COL6A3: variants seen among roughly 807,000 people sequenced by gnomAD.
COL6A3 encodes the protein collagen type VI alpha 3 chain, also known as collagen alpha-3(VI) chain.
Under a neutral mutation model 274.1 loss-of-function variants are expected in COL6A3, and 137 were observed. The observed-to-expected ratio is 0.50, with a 90% CI of 0.44 to 0.58. The LOEUF (loss-of-function observed/expected upper bound fraction) is 0.58. Among genes scored for constraint, COL6A3 ranks in the 20% least tolerant of loss-of-function variants. The pLI is 0.00. For missense variants in COL6A3, 3,950 were observed against 4,124.9 expected, an observed-to-expected ratio of 0.96 and a Z score of 1.16; for synonymous variants, 1,650 against 1,650.6, an observed-to-expected ratio of 1.00 and a Z score of 0.01.
intron 1 of COL6A3, among the ~76,000 whole-genome samples, chr2:237,406,495 C>G (rs2078721944): frequency 6.6e-6 from 1 of 152,140 alleles, no homozygotes; most frequent in Admixed American, 6.5e-5. Flanking sequence ...TAGTCAAAGA[C>G]CACAGTGGGA....
chr2:237,411,874 GAGC>G (rs2078864928), intron 1 of COL6A3, among the ~76,000 whole-genome samples: 3 of 152,156 alleles, frequency 2.0e-5, no homozygotes, highest in African/African-American at 7.2e-5. Flanking sequence ...AGCAGGGAAA[GAGC>G]GGGGCCAAGG....
chr2:237,344,446 T>A lies in COL6A3; in HGVS notation c.7572A>T (p.Pro2524=). The A allele has an allele frequency of 6.2e-7, 1 of 1,614,220 alleles. No homozygotes were observed. The highest frequency in any genetic ancestry group is 8.5e-7 in the Non-Finnish European group (1 of 1,180,032). The change falls in exon 36 of 44, where the codon CCA becomes CCT. Residue 2524 remains proline (P), a synonymous_variant. Transcript: ENST00000295550. This position sits in a 1 kb window ranked among gnomAD's most constrained non-coding sequence, Gnocchi z 4.8. ...FFSNTPTRAS[P]QLREAVLKLS... ...GCTTGAGCACAGCCTCTCTGAGCTG[T>A]GGGGATGCTCTTGTGGGTGTGTTGC...
Position 237,365,837 on chromosome 2 carries a change from G to A in COL6A3, c.5699C>T (p.Ala1900Val). The A allele has an allele frequency of 1.2e-6, 2 of 1,614,154 alleles. No individual in the cohort carries two copies. Among genetic ancestry groups the A allele is most frequent in the South Asian group, 2.2e-5 (2 of 91,068 alleles). The change falls in exon 12 of 44, where the codon GCC (alanine) becomes GTC (valine). Residue 1900 changes from alanine (A) to valine (V), a missense_variant. Ala to Val is a moderately conservative substitution (Grantham distance 64). Transcript: ENST00000295550. ...VANTPSGPVE[A>V]FDFDEYQPEM... ...TGGCTGGTACTCGTCAAAGTCAAAG[G>A]CCTCCACCGGGCCCGAGGGCGTGTT...
chr2:237,339,911 G>A (rs2076947933), intron 38 of COL6A3, among the ~76,000 whole-genome samples: 1 of 152,174 alleles, frequency 6.6e-6, no homozygotes, highest in Non-Finnish European at 1.5e-5. Flanking sequence ...GCGAGCAGAA[G>A]CCATTGGAAT....
intron 43 of COL6A3, among the ~76,000 whole-genome samples, 179 bp from the exon 44 acceptor site, chr2:237,324,993 T>C (rs936835951): frequency 7.9e-5 from 12 of 152,170 alleles, no homozygotes; most frequent in African/African-American, 2.7e-4. Flanking sequence ...TGTGACGTTC[T>C]TGGCCTGGGG....
chr2:237,357,178 T>C lies in COL6A3; in HGVS notation c.6591+160A>G, dbSNP rs2077336889. 5.2e-6 allele frequency: 4 copies of C among 771,166 alleles called. No homozygotes were observed. The East Asian group carries it at 7.3e-5, about 14-fold the overall frequency. The allele number at this position is 771,166 out of a possible 1,614,324, so 47.8% of individuals were successfully genotyped here. A position where few individuals can be genotyped will look rare whatever the true frequency, so the allele number is the denominator to read the frequency against. On this transcript the variant is annotated intron_variant, in intron 23 of 43. Coordinates refer to ENST00000295550, the MANE Select transcript of COL6A3 (RefSeq NM_004369.4). ...GAGAAGAGATGAAGCACCAGGGAAA[T>C]TATAAGAATGAAAATAGATTGGAGT...
intron 3 of COL6A3, among the ~76,000 whole-genome samples, chr2:237,388,613 G>A (rs1225132313): frequency 6.6e-6 from 1 of 152,114 alleles, no homozygotes; most frequent in Non-Finnish European, 1.5e-5. Flanking sequence ...CTAATTTTTG[G>A]TCATTTCTCC....
chr2:237,395,816 G>C (rs1294270674), intron 2 of COL6A3, among the ~76,000 whole-genome samples: 1 of 152,142 alleles, frequency 6.6e-6, no homozygotes, highest in Non-Finnish European at 1.5e-5. Flanking sequence ...TACTCTATTA[G>C]TTACTGCATA....
chr2:237,388,092 G>T lies in COL6A3; in HGVS notation c.802C>A (p.Leu268Ile). Reference sequence around the variant, plus strand: ...GTTCCAATTGGGAGTTTCTCAAGGAGATTTACAAGGAAGTCGAGAATGACT... The same window carrying T: ...GTTCCAATTGGGAGTTTCTCAAGGATATTTACAAGGAAGTCGAGAATGACT... ...FAVILDFLVN[L>I]LEKLPIGTQQ... The change falls in exon 4 of 44, where the codon CTC becomes ATC. Residue 268 changes from leucine to isoleucine, a missense_variant. Coordinates refer to ENST00000295550, the MANE Select transcript of COL6A3 (RefSeq NM_004369.4). 6.2e-7 allele frequency: 1 copy of T among 1,614,236 alleles called. No homozygotes were observed. The highest frequency in any genetic ancestry group is 8.5e-7 in the Non-Finnish European group (1 of 1,180,042).
chr2:237,358,605 A>T, intron 20 of COL6A3, 22 bp from the exon 21 acceptor site: 1 of 1,604,562 alleles, frequency 6.2e-7, no homozygotes, highest in Non-Finnish European at 8.5e-7. Flanking sequence ...GCACAAGTGG[A>T]TGCTAAAAAC....
At chr2:237,384,443 C>T (rs1453538078) in intron 4 of COL6A3, among the ~76,000 whole-genome samples, 1 of 152,086 alleles carries the variant, frequency 6.6e-6, no homozygotes. Context: ...TGTTTTCCTC[C>T]ATGCCTCATC....
Position 237,378,895 on chromosome 2 carries a change from G to A in COL6A3, c.2238C>T (p.Leu746=), listed in dbSNP as rs754302357. ...ACTGCCCAGCTGTGAGCAGAAGCAG[G>A]AGCTGCGGCACGTGTTCACGGATCC... is the stretch of plus-strand genomic sequence containing the variant. ...GSRIREHVPQ[L]LLLLTAGQSE... The change falls in exon 6 of 44, where the codon CTC becomes CTT. Residue 746 remains leucine, a synonymous_variant. Coordinates refer to ENST00000295550, the MANE Select transcript of COL6A3 (RefSeq NM_004369.4). 2 of 1,614,118 alleles carry A rather than the reference G, an allele frequency of 1.2e-6. No homozygotes were observed. The highest frequency in any genetic ancestry group is 1.3e-5 in the African/African-American group (1 of 74,942).
At position 237,371,815 on chromosome 2, in the gene COL6A3, T is replaced by A; in HGVS notation, c.4202A>T (p.Glu1401Val). The A allele has an allele frequency of 6.2e-7, 1 of 1,613,696 alleles. No individual in the cohort carries two copies. Among genetic ancestry groups the A allele is most frequent in the Non-Finnish European group, 8.5e-7 (1 of 1,179,956 alleles). Residue 1401 changes from glutamate to valine, a missense_variant, in exon 9 of 44, where the codon GAG becomes GTG. Coordinates refer to ENST00000295550, the MANE Select transcript of COL6A3 (RefSeq NM_004369.4). The surrounding 1 kb of genome is among the most constrained non-coding windows in gnomAD (Gnocchi z 4.3). ...VSTFRELPSL[E>V]QKLLTPITTL... ...CGTGATGGGCGTCAGCAGTTTCTGCTCCAGGCTGGGCAGCTCCCGGAAGGT... is the reference window on the plus strand; with the variant it reads ...CGTGATGGGCGTCAGCAGTTTCTGCACCAGGCTGGGCAGCTCCCGGAAGGT...
intron 1 of COL6A3, among the ~76,000 whole-genome samples, chr2:237,405,483 C>T (rs1166810649): frequency 6.6e-6 from 1 of 152,046 alleles, no homozygotes; most frequent in Non-Finnish European, 1.5e-5. Flanking sequence ...GGCAGCCATC[C>T]GCGCTCATTC....
intron 7 of COL6A3, among the ~76,000 whole-genome samples, chr2:237,375,718 T>G (rs2077821183): frequency 6.6e-6 from 1 of 152,110 alleles, no homozygotes; most frequent in African/African-American, 2.4e-5. Context: ...AATTTTTGTA[T>G]TTTTGGTAGA....
Position 237,324,808 on chromosome 2 carries a change from G to A in COL6A3, c.9500C>T (p.Ala3167Val). 1 of 1,613,582 alleles carries A rather than the reference G, an allele frequency of 6.2e-7. No individual in the cohort carries two copies. Among genetic ancestry groups the A allele is most frequent in the Admixed American group, 1.7e-5 (1 of 60,026 alleles). Residue 3167 changes from alanine to valine, a missense_variant, in exon 44 of 44, where the codon GCC (alanine) becomes GTC (valine). By Grantham distance (64) the Ala-to-Val change is moderately conservative. This residue lies in a region of COL6A3 where 1,284 missense variants were observed against 1,349.7 expected (regional missense o/e 0.95). Coordinates refer to ENST00000295550, the MANE Select transcript of COL6A3 (RefSeq NM_004369.4). ...CATCACACTGATGACTCCGGGTTTGGCGAGCACTGAGCGTCGAGAGAGGGG... is the reference window on the plus strand; with the variant it reads ...CATCACACTGATGACTCCGGGTTTGACGAGCACTGAGCGTCGAGAGAGGGG... ...ECEKVCAPVLAKPGVISVMGT is the reference protein window; with the variant it reads ...ECEKVCAPVLVKPGVISVMGT
rs200805571 is a variant in COL6A3 at position 237,363,077 on chromosome 2, A to T, written c.6063+176T>A. On this transcript the variant is annotated intron_variant, in intron 14 of 43. Coordinates refer to ENST00000295550, the MANE Select transcript of COL6A3 (RefSeq NM_004369.4). Reference sequence around the variant, plus strand: ...AGCGATTTGCTATCTCCATTTCCAGATTCACATGTGTTATGGCAACAAGGC... The same window carrying T: ...AGCGATTTGCTATCTCCATTTCCAGTTTCACATGTGTTATGGCAACAAGGC... Among the ~76,000 whole-genome samples, 25 of 152,160 alleles carry T rather than the reference A, an allele frequency of 1.6e-4. No homozygotes were observed. In the East Asian group the frequency reaches 4.8e-3, roughly 29 times the overall value.
At chr2:237,365,498 T>C (rs1242617470) in intron 12 of COL6A3, among the ~76,000 whole-genome samples, 200 bp downstream of exon 12, 1 of 152,198 alleles carries the variant, frequency 6.6e-6, no homozygotes, top group Non-Finnish European at 1.5e-5. Context: ...CCAGGATTCT[T>C]TTAGAGCTTA....
chr2:237,365,704 G>A lies in COL6A3; in HGVS notation c.5832C>T (p.Ser1944=), dbSNP rs2077534219. 6.8e-6 allele frequency: 11 copies of A among 1,614,036 alleles called. No homozygotes were observed. Among genetic ancestry groups the A allele is most frequent in the Middle Eastern group, 1.6e-4 (1 of 6,084 alleles). Residue 1944 remains serine (S), a synonymous_variant, in exon 12 of 44, where the codon AGC becomes AGT. Transcript: ENST00000295550. ...LNKFRQSSPD[S]VKVVIHFTDG... ...ACCAACTGGCCCCACAGACCTTCAC[G>A]CTGTCCGGCGAGGACTGTCTGAACT... is the stretch of plus-strand genomic sequence containing the variant.
Sources: allele counts gnomAD v4.1 joint callset (sites outside exome capture counted in the v4.1 genomes callset), GRCh38; gene constraint gnomAD v4.1.1; regional missense constraint gnomAD v4.1.1; non-coding constraint Gnocchi (gnomAD v3.1); transcripts MANE v1.5; gene names NCBI Gene and HGNC (gene_info 2026-07-23, HGNC 2026-07-21).